Variants in SPIN1 observed in about 807,000 individuals in gnomAD.
SPIN1 encodes the protein spindlin 1.
Under a neutral mutation model 26.0 loss-of-function variants are expected in SPIN1, and 3 were observed. That is an observed-to-expected ratio of 0.12 (90% CI 0.05 to 0.30). SPIN1 has a LOEUF of 0.30. SPIN1 is among the 10% of genes least tolerant of loss of function. SPIN1 has a pLI of 1.00. For synonymous variants in SPIN1, 101 were observed against 116.5 expected (o/e 0.87, Z 0.86); for missense variants, 126 against 333.4 (o/e 0.38, Z 4.84).
intron 1 of SPIN1, among the ~76,000 whole-genome samples, chr9:88,390,569 A>G (rs1296880674): frequency 6.6e-6 from 1 of 152,242 alleles, no homozygotes; most frequent in Non-Finnish European, 1.5e-5. Flanking sequence ...ATTTGCTGAG[A>G]TAGCATTTAA....
intron 1 of SPIN1, among the ~76,000 whole-genome samples, chr9:88,395,357 T>TTTATG (rs1827031516): frequency 7.6e-6 from 1 of 132,422 alleles, no homozygotes; most frequent in Admixed American, 7.4e-5. Flanking sequence ...GCTCTGCCGT[T>TTTATG]CTATGCACAC....
rs11320023 is a variant in SPIN1 at position 88,475,047 on chromosome 9, CTTTTTTTTTTTT to C, written c.590-19_590-8del. ...TGACTTAGAAATTTTCTCTCTCTCT[CTTTTTTTTTTTT>C]TTTTTTTTTTTAATATAGATGATTC... On this transcript the variant is annotated intron_variant, in intron 5 of 5. Transcript: ENST00000375859. The C allele has an allele frequency of 1.6e-4, 131 of 841,792 alleles. 1 individual carries two copies. The South Asian group carries it at 3.7e-3, about 24-fold the overall frequency. The allele number at this position is 841,792 out of a possible 1,614,324, so 52.1% of individuals were successfully genotyped here.
intron 1 of SPIN1, among the ~76,000 whole-genome samples, chr9:88,407,878 A>AAG (rs1410792182): frequency 6.6e-6 from 1 of 151,006 alleles, no homozygotes; most frequent in African/African-American, 2.4e-5. Context: ...CTCCTACCTC[A>AAG]GCCTCTTGAG....
intron 2 of SPIN1, among the ~76,000 whole-genome samples, chr9:88,432,758 A>AT (rs1280092643): frequency 6.6e-6 from 1 of 151,570 alleles, no homozygotes; most frequent in Admixed American, 6.6e-5. Flanking sequence ...AAGTGTTGGG[A>AT]TTGCAGGCAT....
At chr9:88,426,012 C>T (rs1045111284) in intron 1 of SPIN1, among the ~76,000 whole-genome samples, 3 of 152,142 alleles carry the variant, frequency 2.0e-5, no homozygotes, top group African/African-American at 7.2e-5. Flanking sequence ...GACAGATGGG[C>T]CATGCTGTCT....
In SPIN1 at chr9:88,397,232, C is replaced by T. The variant is rs936514418; in HGVS notation, c.-159+8694C>T. On this transcript the variant is annotated intron_variant, in intron 1 of 5. Coordinates refer to ENST00000375859, the MANE Select transcript of SPIN1 (RefSeq NM_006717.3). Reference sequence around the variant, plus strand: ...AAACTTTCTGTCTTTTTAAATAACACGTAGCTTAAAACAGCCTCATAATAT... The same window carrying T: ...AAACTTTCTGTCTTTTTAAATAACATGTAGCTTAAAACAGCCTCATAATAT... Among the ~76,000 whole-genome samples, 24 of 152,044 alleles carry T rather than the reference C, an allele frequency of 1.6e-4. 2 individuals carry two copies. The highest frequency in any genetic ancestry group is 1.0e-4 in the Non-Finnish European group (7 of 68,018).
chr9:88,408,592 G>A (rs1183057211), intron 1 of SPIN1, among the ~76,000 whole-genome samples: 4 of 151,282 alleles, frequency 2.6e-5, no homozygotes, highest in Non-Finnish European at 4.4e-5. Flanking sequence ...GGGCAGGCTG[G>A]TCTTGAACTC....
chr9:88,446,973 A>C (rs960578574), intron 2 of SPIN1, among the ~76,000 whole-genome samples: 1 of 152,184 alleles, frequency 6.6e-6, no homozygotes, highest in Non-Finnish European at 1.5e-5. Context: ...TTTTTATCAC[A>C]TCTGGACAAC....
intron 3 of SPIN1, among the ~76,000 whole-genome samples, chr9:88,460,714 C>T (rs775617542): frequency 1.3e-5 from 2 of 152,158 alleles, no homozygotes; most frequent in Non-Finnish European, 2.9e-5. Flanking sequence ...ATTCCTCCCT[C>T]CTCTACCTTT....
intron 2 of SPIN1, among the ~76,000 whole-genome samples, chr9:88,434,381 A>T (rs951901682): frequency 3.6e-4 from 44 of 123,790 alleles, no homozygotes; most frequent in Admixed American, 6.3e-4. Context: ...TATTTTATAA[A>T]TTATAAAATA....
rs80100821 is a variant in SPIN1 at position 88,418,316 on chromosome 9, A to G, written c.-158-8066A>G. On this transcript the variant is annotated intron_variant, in intron 1 of 5. Coordinates refer to ENST00000375859, the MANE Select transcript of SPIN1 (RefSeq NM_006717.3). ...CACTGGTATTCCTAGAGTTTTAGGA[A>G]TTTGGGTACCAGGAAATGGAAGAAC... is the stretch of plus-strand genomic sequence containing the variant. 3.9e-3 allele frequency among the ~76,000 whole-genome samples: 590 copies of G among 152,324 alleles called. 15 individuals are homozygous for G. In the East Asian group the frequency reaches 0.065, roughly 17 times the overall value.
In SPIN1 at chr9:88,475,689, G is replaced by C. The variant is rs1338443536; in HGVS notation, c.*412G>C. 5.8e-6 allele frequency: 1 copy of C among 172,662 alleles called. No homozygotes were observed. Among genetic ancestry groups the C allele is most frequent in the Non-Finnish European group, 1.3e-5 (1 of 79,558 alleles). 10.7% of individuals were successfully genotyped at this position (172,662 alleles called of 1,614,324 possible). A position where few individuals can be genotyped will look rare whatever the true frequency, so the allele number is the denominator to read the frequency against. ...TATCTGTATCTACCTATATCTATATGTGTGTATACATATATAATATATACA... is the reference window on the plus strand; with the variant it reads ...TATCTGTATCTACCTATATCTATATCTGTGTATACATATATAATATATACA... On this transcript the variant is annotated 3_prime_UTR_variant, in exon 6 of 6. Transcript: ENST00000375859.
intron 2 of SPIN1, among the ~76,000 whole-genome samples, chr9:88,427,890 C>T (rs958678889): frequency 7.2e-5 from 11 of 152,046 alleles, no homozygotes; most frequent in African/African-American, 2.2e-4. Flanking sequence ...TGAGCCACTG[C>T]GCCTGGCCAA....
intron 1 of SPIN1, among the ~76,000 whole-genome samples, chr9:88,392,635 C>T (rs1302651559): frequency 6.6e-6 from 1 of 152,026 alleles, no homozygotes; most frequent in African/African-American, 2.4e-5. Context: ...TTCCTTCCTT[C>T]CTTCCTCCCT....
chr9:88,421,429 AGTAGCTGGTAGCTG>A (rs1827665374), intron 1 of SPIN1, among the ~76,000 whole-genome samples: 1 of 152,108 alleles, frequency 6.6e-6, no homozygotes, highest in South Asian at 2.1e-4. Flanking sequence ...CAGCCTCCTG[AGTAGCTGGTAGCTG>A]GTACTACAGA....
At chr9:88,388,829 C>G (rs1376428527) in intron 1 of SPIN1, among the ~76,000 whole-genome samples, 4 of 150,720 alleles carry the variant, frequency 2.7e-5, no homozygotes, top group Non-Finnish European at 5.9e-5. Context: ...GCCACCCTCT[C>G]GTCCCCAGTT....
At chr9:88,409,793 G>A (rs1344909547) in intron 1 of SPIN1, among the ~76,000 whole-genome samples, 6 of 151,110 alleles carry the variant, frequency 4.0e-5, no homozygotes, top group Middle Eastern at 3.2e-3. Flanking sequence ...AGCTGAGATC[G>A]CGCCACTGCA....
At chr9:88,407,307 A>C (rs1044555979) in intron 1 of SPIN1, among the ~76,000 whole-genome samples, 1 of 151,234 alleles carries the variant, frequency 6.6e-6, no homozygotes, top group South Asian at 2.1e-4. Context: ...TGCTTGGCTA[A>C]TTTTTTTTGT....
chr9:88,389,175 G>T (rs1416525663), intron 1 of SPIN1, among the ~76,000 whole-genome samples: 2 of 152,166 alleles, frequency 1.3e-5, no homozygotes, highest in Non-Finnish European at 1.5e-5. Flanking sequence ...CCTCGCGCCC[G>T]CGCAGCCCCT....
Sources: gnomAD v4.1 joint callset for allele counts (sites outside exome capture counted in the v4.1 genomes callset) on GRCh38, gnomAD v4.1.1 for gene constraint, MANE v1.5 for transcripts, NCBI Gene and HGNC (gene_info 2026-07-23, HGNC 2026-07-21) for gene names.